Variants in KAZN observed in about 807,000 individuals in gnomAD.
The protein encoded by KAZN is kazrin, periplakin interacting protein, also known as kazrin.
KAZN carries 40 observed loss-of-function variants against 87.4 expected under a neutral mutation model. That is an observed-to-expected ratio of 0.46 (90% CI 0.36 to 0.60). The LOEUF is 0.60. Among genes scored for constraint, KAZN ranks in the 20% least tolerant of loss-of-function variants. KAZN has a pLI of 0.00. For synonymous variants in KAZN, 466 were observed against 458.3 expected, an observed-to-expected ratio of 1.02 and a Z score of -0.22; for missense variants, 898 against 1,073.9, an observed-to-expected ratio of 0.84 and a Z score of 2.29.
chr1:15,036,109 T>C (rs112601302), intron 3 of KAZN, among the ~76,000 whole-genome samples: 13,397 of 152,018 alleles, frequency 0.088, 684 homozygotes, highest in Non-Finnish European at 0.11. Flanking sequence ...GAAAGGAGCC[T>C]CGAGAGTTCT....
chr1:14,943,745 C>T (rs1333899711), intron 1 of KAZN, among the ~76,000 whole-genome samples: 1 of 152,224 alleles, frequency 6.6e-6, no homozygotes, highest in Non-Finnish European at 1.5e-5. Flanking sequence ...TAGACGGCAT[C>T]GCCTCTCAGG....
intron 1 of KAZN, among the ~76,000 whole-genome samples, chr1:14,011,468 A>G (rs1640309552): frequency 6.6e-6 from 1 of 152,128 alleles, no homozygotes; most frequent in Admixed American, 6.5e-5. Context: ...TTTTCTCTTG[A>G]GGTCACCTCC....
chr1:15,084,686 T>C (rs145541132), intron 8 of KAZN, among the ~76,000 whole-genome samples: 4 of 152,318 alleles, frequency 2.6e-5, no homozygotes, highest in African/African-American at 7.2e-5. Flanking sequence ...CAAAGGGGCA[T>C]GAAGTGGCCC....
In KAZN at chr1:14,465,645, C is replaced by A. The variant is rs78330025; in HGVS notation, c.250-133338C>A. On this transcript the variant is annotated intron_variant, in intron 2 of 16. Transcript: ENST00000636203. ...TGCAGAACATTACTTCTGCCACATT[C>A]TGTTGGCCAAACAAGTCACTGAGGC... Among the ~76,000 whole-genome samples the A allele has an allele frequency of 4.7e-3, 717 of 152,210 alleles. 8 individuals carry two copies. Among genetic ancestry groups the A allele is most frequent in the African/African-American group, 0.016 (667 of 41,542 alleles).
chr1:14,574,586 C>T (rs1484023846), intron 2 of KAZN, among the ~76,000 whole-genome samples: 1 of 152,120 alleles, frequency 6.6e-6, no homozygotes, highest in African/African-American at 2.4e-5. Flanking sequence ...GTGAGGCCTC[C>T]CCAGCCCATG....
At chr1:14,579,349 G>A (rs1675385952) in intron 2 of KAZN, among the ~76,000 whole-genome samples, 1 of 152,082 alleles carries the variant, frequency 6.6e-6, no homozygotes, top group Non-Finnish European at 1.5e-5. Flanking sequence ...GAGTAGTCTG[G>A]GCGTGGTGGC....
chr1:14,309,611 AGTGCAGTGGT>A (rs1655152400), intron 2 of KAZN, among the ~76,000 whole-genome samples: 2 of 152,116 alleles, frequency 1.3e-5, no homozygotes, highest in South Asian at 2.1e-4. Flanking sequence ...GCCCAGGTGG[AGTGCAGTGGT>A]GTGATCACAG....
intron 1 of KAZN, among the ~76,000 whole-genome samples, chr1:13,965,920 CGTCCTCCTGCAAGAAGGGCTGG>C: frequency 6.6e-6 from 1 of 152,252 alleles, no homozygotes; most frequent in East Asian, 1.9e-4. Context: ...CCAAGCTGAA[CGTCCTCCTGCAAGAAGGGCTGG>C]GTCCTCCCTG....
At chr1:14,738,750 C>T (rs749197294) in intron 1 of KAZN, among the ~76,000 whole-genome samples, 3 of 151,840 alleles carry the variant, frequency 2.0e-5, no homozygotes, top group Admixed American at 6.6e-5. Flanking sequence ...GGATTTTTTT[C>T]GTTAAAAAAA....
At chr1:14,979,367 C>G (rs993385130) in intron 2 of KAZN, among the ~76,000 whole-genome samples, 2 of 151,914 alleles carry the variant, frequency 1.3e-5, no homozygotes, top group African/African-American at 2.4e-5. Flanking sequence ...CGAGATCGCA[C>G]CACTGCATTC....
intron 2 of KAZN, among the ~76,000 whole-genome samples, chr1:14,461,241 T>A (rs950280881): frequency 1.3e-5 from 2 of 152,182 alleles, no homozygotes; most frequent in African/African-American, 4.8e-5. Context: ...GGTTTGGCTG[T>A]ATCCCCACCC....
intron 1 of KAZN, among the ~76,000 whole-genome samples, chr1:14,612,044 A>G (rs1022841232): frequency 4.6e-5 from 7 of 152,224 alleles, no homozygotes; most frequent in African/African-American, 1.7e-4. Context: ...ACCCTTGGAC[A>G]TGTATTAATC....
intron 1 of KAZN, among the ~76,000 whole-genome samples, chr1:14,838,924 G>A (rs1647610887): frequency 6.6e-6 from 1 of 152,136 alleles, no homozygotes. Flanking sequence ...ACCTGGCCCT[G>A]ATTCTTAAAC....
chr1:14,113,640 G>A (rs888791295), intron 1 of KAZN, among the ~76,000 whole-genome samples: 2 of 152,182 alleles, frequency 1.3e-5, no homozygotes, highest in Non-Finnish European at 2.9e-5. Context: ...GCTAAGAAAT[G>A]AAAGATCTGG....
chr1:15,060,068 G>A lies in KAZN; in HGVS notation c.917-104G>A, dbSNP rs181513857. 11 of 1,453,756 alleles carry A rather than the reference G, an allele frequency of 7.6e-6. No homozygotes were observed. The East Asian group carries it at 2.6e-4, about 34-fold the overall frequency. The allele number at this position is 1,453,756 out of a possible 1,614,324, so 90.1% of individuals were successfully genotyped here. ...TCTCTTCCCTTCTCTACACCTCAGTGTTCCCATCTGTAGAACGGGGGTGTT... is the reference window on the plus strand; with the variant it reads ...TCTCTTCCCTTCTCTACACCTCAGTATTCCCATCTGTAGAACGGGGGTGTT... On this transcript the variant is annotated intron_variant, in intron 5 of 14. Coordinates refer to ENST00000376030, the MANE Select transcript of KAZN (RefSeq NM_201628.3).
intron 2 of KAZN, among the ~76,000 whole-genome samples, chr1:14,521,036 G>A (rs1056409786): frequency 3.3e-5 from 5 of 152,150 alleles, no homozygotes; most frequent in Admixed American, 2.6e-4. Flanking sequence ...GTAACCATCC[G>A]AGTACTCCCC....
At chr1:14,485,831 T>G (rs1271025221) in intron 2 of KAZN, among the ~76,000 whole-genome samples, 1 of 149,124 alleles carries the variant, frequency 6.7e-6, no homozygotes, top group East Asian at 2.0e-4. Context: ...AGGCGGAGGT[T>G]GCAGTGAACC....
chr1:14,114,037 C>G (rs766306064), intron 1 of KAZN, among the ~76,000 whole-genome samples: 7 of 152,194 alleles, frequency 4.6e-5, no homozygotes, highest in Non-Finnish European at 1.0e-4. Flanking sequence ...GGGCACTCTT[C>G]TCTCACAGCT....
intron 1 of KAZN, among the ~76,000 whole-genome samples, chr1:14,775,956 C>A (rs1309495927): frequency 6.6e-6 from 1 of 152,206 alleles, no homozygotes; most frequent in Non-Finnish European, 1.5e-5. Flanking sequence ...TGAGTGTGGT[C>A]CTGCGTGATC....
Sources: allele counts gnomAD v4.1 joint callset (sites outside exome capture counted in the v4.1 genomes callset), GRCh38; gene constraint gnomAD v4.1.1; transcripts MANE v1.5; gene names NCBI Gene and HGNC (gene_info 2026-07-23, HGNC 2026-07-21).